Variants in MALRD1 observed in about 807,000 individuals in gnomAD.
MALRD1 encodes the protein MAM and LDL-receptor class A domain-containing protein 1.
Under a neutral mutation model 242.1 loss-of-function variants are expected in MALRD1, and 247 were observed. The observed-to-expected ratio is 1.02, with a 90% CI of 0.92 to 1.13. The LOEUF is 1.13. Ranked by LOEUF, MALRD1 falls within the 50% of genes most tolerant of loss-of-function variation. The probability of loss-of-function intolerance (pLI) is 0.00; values close to 1 mark genes in which losing one functional copy is unlikely to be tolerated. For synonymous variants in MALRD1, 995 were observed against 866.6 expected (o/e 1.15, Z -2.60); for missense variants, 2,989 against 2,533.1 (o/e 1.18, Z -3.86).
intron 21 of MALRD1, among the ~76,000 whole-genome samples, chr10:19,305,010 C>T (rs958349064): frequency 2.6e-5 from 4 of 151,690 alleles, no homozygotes; most frequent in Non-Finnish European, 5.9e-5. Context: ...AAGTCATTGC[C>T]TTCTGCTTCT....
intron 21 of MALRD1, among the ~76,000 whole-genome samples, chr10:19,310,234 T>G (rs1197595629): frequency 6.6e-6 from 1 of 151,496 alleles, no homozygotes; most frequent in African/African-American, 2.4e-5. Context: ...GCTTTTTTAC[T>G]GACGTTATTG....
chr10:19,296,691 A>G (rs963081548), intron 21 of MALRD1, among the ~76,000 whole-genome samples: 11 of 152,180 alleles, frequency 7.2e-5, no homozygotes, highest in African/African-American at 2.6e-4. Context: ...CTATTCATGT[A>G]TTGATTTATT....
At chr10:19,490,533 A>G (rs1438509639) in intron 29 of MALRD1, among the ~76,000 whole-genome samples, 25 of 16,878 alleles carry the variant, frequency 1.5e-3, no homozygotes, top group Non-Finnish European at 2.7e-3. Flanking sequence ...TATGGGGGTG[A>G]GGGTAGAGTG....
intron 34 of MALRD1, among the ~76,000 whole-genome samples, chr10:19,595,947 A>G (rs986822012): frequency 5.3e-5 from 8 of 152,210 alleles, no homozygotes; most frequent in Non-Finnish European, 1.0e-4. Flanking sequence ...TTAAGAGTTC[A>G]TGGGATAATG....
intron 28 of MALRD1, among the ~76,000 whole-genome samples, chr10:19,447,075 C>CAG (rs1263770279): frequency 1.6e-5 from 2 of 126,056 alleles, no homozygotes; most frequent in African/African-American, 5.6e-5. Context: ...CACAGACACA[C>CAG]ACACACACAC....
intron 32 of MALRD1, among the ~76,000 whole-genome samples, chr10:19,557,722 GTTC>G (rs1216373128): frequency 6.6e-5 from 10 of 151,986 alleles, no homozygotes; most frequent in Non-Finnish European, 1.3e-4. Flanking sequence ...GTCTGGCTTT[GTTC>G]TTCTCCTTTA....
Position 19,061,471 on chromosome 10 carries a change from C to CAATA in MALRD1, c.200-5227_200-5224dup, listed in dbSNP as rs548995090. Among the ~76,000 whole-genome samples, 433 of 151,720 alleles carry CAATA rather than the reference C, an allele frequency of 2.9e-3. 2 individuals carry two copies. The highest frequency in any genetic ancestry group is 0.017 in the South Asian group (82 of 4,786). ...AGAATCTCAAGGAACCTCAAATAAC[C>CAATA]AATAAATAAATAAATAAATAAATAC... On this transcript the variant is annotated intron_variant, in intron 1 of 39. Coordinates refer to ENST00000454679, the MANE Select transcript of MALRD1 (RefSeq NM_001142308.3).
chr10:19,432,281 A>G (rs547083078), intron 28 of MALRD1, among the ~76,000 whole-genome samples: 3 of 152,322 alleles, frequency 2.0e-5, no homozygotes, highest in East Asian at 1.9e-4. Context: ...AATATCACCT[A>G]TGTAAATGAA....
rs115891468 is a variant in MALRD1, at chr10:19,667,722, A to G, written c.6138-24560A>G. ...CCTGAGGCTTCACCAGAAGCTGAGC[A>G]GATGCAGCACCATGCTTTCTGTACA... On this transcript the variant is annotated intron_variant, in intron 36 of 39. Transcript: ENST00000454679. Among the ~76,000 whole-genome samples the G allele has an allele frequency of 6.3e-3, 959 of 152,270 alleles. 11 individuals are homozygous for G. The highest frequency in any genetic ancestry group is 0.022 in the African/African-American group (919 of 41,558).
At chr10:19,714,249 A>C (rs1042652178) in intron 38 of MALRD1, among the ~76,000 whole-genome samples, 1 of 152,204 alleles carries the variant, frequency 6.6e-6, no homozygotes, top group Non-Finnish European at 1.5e-5. Flanking sequence ...GGTAGCTCTC[A>C]GAAGACGGGG....
chr10:19,130,060 G>A (rs1833036311), intron 8 of MALRD1, among the ~76,000 whole-genome samples: 1 of 151,766 alleles, frequency 6.6e-6, no homozygotes, highest in Admixed American at 6.6e-5. Flanking sequence ...CTGGCATTCT[G>A]GAACTTGTTA....
chr10:19,345,003 T>C (rs1743502821), intron 24 of MALRD1, among the ~76,000 whole-genome samples: 1 of 152,126 alleles, frequency 6.6e-6, no homozygotes, highest in African/African-American at 2.4e-5. Context: ...ATGCCAGGAA[T>C]TGGCATCAGT....
intron 21 of MALRD1, among the ~76,000 whole-genome samples, chr10:19,297,137 T>C (rs1175494086): frequency 6.6e-6 from 1 of 150,872 alleles, no homozygotes; most frequent in East Asian, 1.9e-4. Context: ...TAGTTTATTA[T>C]ATTGTACTGT....
intron 22 of MALRD1, among the ~76,000 whole-genome samples, chr10:19,326,822 A>G (rs538786170): frequency 1.3e-5 from 2 of 151,704 alleles, no homozygotes; most frequent in South Asian, 2.1e-4. Flanking sequence ...TATGAATTCT[A>G]TTTTTAAAAA....
intron 19 of MALRD1, among the ~76,000 whole-genome samples, chr10:19,269,621 A>C (rs1044893370): frequency 2.0e-5 from 3 of 152,184 alleles, no homozygotes; most frequent in Non-Finnish European, 2.9e-5. Flanking sequence ...AGAGTCTGTG[A>C]AATCAGCTGC....
intron 38 of MALRD1, among the ~76,000 whole-genome samples, chr10:19,697,857 C>G (rs989809252): frequency 6.6e-6 from 1 of 152,150 alleles, no homozygotes; most frequent in African/African-American, 2.4e-5. Flanking sequence ...CTTCTCTTAA[C>G]CTCAATTTTT....
At chr10:19,195,369 C>T (rs189415484) in intron 14 of MALRD1, among the ~76,000 whole-genome samples, 46 of 152,194 alleles carry the variant, frequency 3.0e-4, no homozygotes, top group African/African-American at 9.4e-4. Flanking sequence ...CTGGCTCTGA[C>T]GTCTAGACCT....
chr10:19,159,826 G>A (rs142555818), intron 12 of MALRD1, among the ~76,000 whole-genome samples: 4 of 152,190 alleles, frequency 2.6e-5, no homozygotes, highest in Admixed American at 1.3e-4. Context: ...TCCATATGCA[G>A]TAACTGGTGT....
At chr10:19,122,676 T>C (rs1016767814) in intron 5 of MALRD1, among the ~76,000 whole-genome samples, 1 of 152,046 alleles carries the variant, frequency 6.6e-6, no homozygotes, top group Non-Finnish European at 1.5e-5. Flanking sequence ...ACTCCTAGTC[T>C]ACCTTCAAGT....
Sources: gnomAD v4.1 joint callset for allele counts (sites outside exome capture counted in the v4.1 genomes callset) on GRCh38, gnomAD v4.1.1 for gene constraint, MANE v1.5 for transcripts, NCBI Gene and HGNC (gene_info 2026-07-23, HGNC 2026-07-21) for gene names.